RIMS2: variants seen among roughly 807,000 people sequenced by gnomAD.
RIMS2 encodes the protein regulating synaptic membrane exocytosis 2, also known as regulating synaptic membrane exocytosis protein 2.
Under a neutral mutation model 174.4 loss-of-function variants are expected in RIMS2, and 59 were observed. The ratio of observed to expected loss-of-function variants is 0.34; its 90% CI spans 0.27 to 0.42. The LOEUF is 0.42. RIMS2 is among the 10% of genes least tolerant of loss of function. The pLI is 1.00. For synonymous variants in RIMS2, 606 were observed against 572.5 expected (o/e 1.06, Z -0.84); for missense variants, 1,620 against 1,666.3 (o/e 0.97, Z 0.48).
intron 1 of RIMS2, among the ~76,000 whole-genome samples, chr8:103,598,946 T>C (rs1277565393): frequency 6.6e-6 from 1 of 152,118 alleles, no homozygotes; most frequent in African/African-American, 2.4e-5. Flanking sequence ...ACCATTGATG[T>C]ATCTGTTAGC....
intron 1 of RIMS2, among the ~76,000 whole-genome samples, chr8:103,671,544 C>G (rs570356225): frequency 2.8e-4 from 42 of 152,238 alleles, no homozygotes; most frequent in African/African-American, 9.9e-4. Flanking sequence ...TTCAAAGGTG[C>G]TTCTTATGGT....
intron 19 of RIMS2, among the ~76,000 whole-genome samples, chr8:104,047,320 G>A (rs1235732693): frequency 1.3e-5 from 2 of 151,918 alleles, no homozygotes; most frequent in Non-Finnish European, 2.9e-5. Context: ...TTTTACCTAT[G>A]CCTATCACCC....
intron 14 of RIMS2, among the ~76,000 whole-genome samples, chr8:103,955,851 C>T (rs985098821): frequency 6.6e-6 from 1 of 152,060 alleles, no homozygotes; most frequent in Non-Finnish European, 1.5e-5. Context: ...TTTAGAAAAC[C>T]CCATCATGTC....
intron 1 of RIMS2, among the ~76,000 whole-genome samples, chr8:103,632,996 G>C (rs1451329520): frequency 1.3e-5 from 2 of 150,598 alleles, no homozygotes; most frequent in African/African-American, 4.9e-5. Flanking sequence ...GCCTCCCAAA[G>C]TGCTAGGATT....
intron 1 of RIMS2, among the ~76,000 whole-genome samples, chr8:103,545,591 G>A (rs80131101): frequency 0.12 from 18,896 of 152,004 alleles, 1,274 homozygotes; most frequent in Middle Eastern, 0.22. Flanking sequence ...CTCCAAGGTC[G>A]AAATGAAAGA....
At chr8:103,589,533 A>G (rs1296328506) in intron 1 of RIMS2, among the ~76,000 whole-genome samples, 1 of 151,660 alleles carries the variant, frequency 6.6e-6, no homozygotes, top group Non-Finnish European at 1.5e-5. Flanking sequence ...TTCCTCAGAA[A>G]ACTAAAAACT....
chr8:103,703,634 T>A (rs977721665), intron 2 of RIMS2, among the ~76,000 whole-genome samples: 4 of 149,472 alleles, frequency 2.7e-5, no homozygotes, highest in African/African-American at 9.8e-5. Flanking sequence ...GATAATAGGA[T>A]ACTTTTCCTT....
At chr8:103,916,906 G>A (rs2076722787) in intron 8 of RIMS2, among the ~76,000 whole-genome samples, 1 of 151,992 alleles carries the variant, frequency 6.6e-6, no homozygotes, top group African/African-American at 2.4e-5. Flanking sequence ...AAGGGCCAAA[G>A]GACATACAAT....
intron 11 of RIMS2, among the ~76,000 whole-genome samples, chr8:103,930,668 G>T (rs898665645): frequency 4.6e-5 from 7 of 151,856 alleles, no homozygotes; most frequent in African/African-American, 1.7e-4. Context: ...CTTCACAAAA[G>T]AATGAGACTT....
intron 3 of RIMS2, among the ~76,000 whole-genome samples, chr8:103,804,609 T>C (rs16870714): frequency 0.16 from 23,964 of 152,156 alleles, 1,991 homozygotes; most frequent in Middle Eastern, 0.24. Context: ...TACTGACTCT[T>C]ATTTCTAGGA....
chr8:104,013,271 T>C (rs537024382), intron 17 of RIMS2, among the ~76,000 whole-genome samples, 171 bp from the exon 20 acceptor site: 2 of 152,332 alleles, frequency 1.3e-5, no homozygotes, highest in African/African-American at 4.8e-5. Context: ...TTTTAGAAAT[T>C]CTTAACAAGT....
intron 9 of RIMS2, 46 bp downstream of exon 12, chr8:103,918,533 T>C (rs749494105): frequency 7.9e-7 from 1 of 1,263,918 alleles, no homozygotes; most frequent in Non-Finnish European, 1.2e-6. Flanking sequence ...ATAATTGCAT[T>C]CATCAGAGAT....
intron 17 of RIMS2, among the ~76,000 whole-genome samples, chr8:104,000,693 C>T (rs960618270): frequency 2.6e-5 from 4 of 151,690 alleles, no homozygotes; most frequent in Admixed American, 2.6e-4. Flanking sequence ...CAAGCACTCC[C>T]CTTTCTCTTC....
intron 19 of RIMS2, among the ~76,000 whole-genome samples, chr8:104,218,185 C>T (rs979877698): frequency 6.6e-6 from 1 of 152,246 alleles, no homozygotes; most frequent in African/African-American, 2.4e-5. Context: ...ATTCCCGTCT[C>T]TCTCAGCAAC....
chr8:103,834,710 TTC>T (rs1224914085), intron 3 of RIMS2, among the ~76,000 whole-genome samples: 1 of 135,590 alleles, frequency 7.4e-6, no homozygotes, highest in Admixed American at 7.2e-5. Context: ...CTTTCTTTCT[TTC>T]TTTCTTTCTT....
At chr8:103,868,277 A>G (rs1049673221) in intron 3 of RIMS2, among the ~76,000 whole-genome samples, 2 of 152,036 alleles carry the variant, frequency 1.3e-5, no homozygotes, top group Admixed American at 6.6e-5. Context: ...AAGGTGAAAA[A>G]CCTAGAAATC....
At chr8:103,969,511 A>G (rs1271342959) in intron 15 of RIMS2, among the ~76,000 whole-genome samples, 2 of 152,098 alleles carry the variant, frequency 1.3e-5, no homozygotes, top group Non-Finnish European at 2.9e-5. Flanking sequence ...CTTCATTTCT[A>G]TTACAGGTAT....
chr8:103,526,551 T>A (rs1182149626), intron 1 of RIMS2, among the ~76,000 whole-genome samples: 2 of 152,130 alleles, frequency 1.3e-5, no homozygotes, highest in African/African-American at 4.8e-5. Flanking sequence ...AAAAAATGAA[T>A]CTGTTTAGAC....
intron 1 of RIMS2, among the ~76,000 whole-genome samples, chr8:103,635,163 T>A (rs186007091): frequency 0.12 from 18,853 of 152,226 alleles, 1,249 homozygotes; most frequent in Middle Eastern, 0.22. Flanking sequence ...ACAGTAACAG[T>A]GGTCTTTGTG....
Sources: allele counts gnomAD v4.1 joint callset (sites outside exome capture counted in the v4.1 genomes callset), GRCh38; gene constraint gnomAD v4.1.1; transcripts MANE v1.5; gene names NCBI Gene and HGNC (gene_info 2026-07-23, HGNC 2026-07-21).